ZNF652: variants seen among roughly 807,000 people sequenced by gnomAD.
ZNF652 encodes the protein zinc finger protein 652.
Under a neutral mutation model 45.2 loss-of-function variants are expected in ZNF652, and 16 were observed. The ratio of observed to expected loss-of-function variants is 0.35; its 90% confidence interval spans 0.24 to 0.54. ZNF652 has a LOEUF of 0.54. Among genes scored for constraint, ZNF652 ranks in the 20% least tolerant of loss-of-function variants. The pLI is 0.91. For synonymous variants in ZNF652, 250 were observed against 260.6 expected (o/e 0.96, Z 0.39); for missense variants, 614 against 765.6 (o/e 0.80, Z 2.34).
intron 1 of ZNF652, among the ~76,000 whole-genome samples, chr17:49,336,988 G>A (rs992316338): frequency 7.1e-6 from 1 of 141,096 alleles, no homozygotes; most frequent in Non-Finnish European, 1.5e-5. Context: ...CACAGGTTGA[G>A]TGAAATAAAA....
intron 1 of ZNF652, among the ~76,000 whole-genome samples, chr17:49,361,572 C>T (rs2070394733): frequency 6.6e-6 from 1 of 152,216 alleles, no homozygotes. Context: ...GTGCAAACCT[C>T]CTCTCGGCCC....
intron 1 of ZNF652, among the ~76,000 whole-genome samples, chr17:49,343,994 C>G (rs1169221018): frequency 6.6e-6 from 1 of 151,944 alleles, no homozygotes; most frequent in African/African-American, 2.4e-5. Context: ...GTCAGGAGAT[C>G]GAGACCATCC....
Position 49,293,621 on chromosome 17 carries a change from C to T in ZNF652, c.*4792G>A. 7.6e-6 allele frequency among the ~76,000 whole-genome samples: 1 copy of T among 131,056 alleles called. No homozygotes were observed. 86.0% of individuals were successfully genotyped at this position (131,056 alleles called of 152,430 possible). On this transcript the variant is annotated 3_prime_UTR_variant, in exon 6 of 6. Coordinates refer to ENST00000430262, the MANE Select transcript of ZNF652 (RefSeq NM_001145365.3). ...AGGGTGTTGTTATTGCATAATAATG[C>T]CACTATTTCTAATGGCTTATGACCT... is the stretch of plus-strand genomic sequence containing the variant.
At chr17:49,314,009 A>AAAAAAAAAAG (rs2069760698) in intron 2 of ZNF652, among the ~76,000 whole-genome samples, 1 of 133,284 alleles carries the variant, frequency 7.5e-6, no homozygotes, top group African/African-American at 2.9e-5. Flanking sequence ...AAAAAAAAAA[A>AAAAAAAAAAG]AAAAGAAAAG....
intron 2 of ZNF652, among the ~76,000 whole-genome samples, chr17:49,315,304 G>C (rs549833785): frequency 6.6e-6 from 1 of 152,018 alleles, no homozygotes; most frequent in African/African-American, 2.4e-5. Context: ...GCCTCCCAAA[G>C]TGCTAGGATT....
chr17:49,339,839 T>G (rs2070125814), intron 1 of ZNF652, among the ~76,000 whole-genome samples: 1 of 152,190 alleles, frequency 6.6e-6, no homozygotes. Flanking sequence ...AGCCAAGAGA[T>G]TCTTCTGCCT....
At chr17:49,355,250 C>G (rs7208485) in intron 1 of ZNF652, among the ~76,000 whole-genome samples, 117,666 of 152,032 alleles carry the variant, frequency 0.77, 45,664 homozygotes, top group African/African-American at 0.82. Flanking sequence ...AATTAATTCA[C>G]GAGGGATTGT....
chr17:49,360,500 C>G (rs1209076268), intron 1 of ZNF652, among the ~76,000 whole-genome samples: 1 of 152,138 alleles, frequency 6.6e-6, no homozygotes, highest in African/African-American at 2.4e-5. Flanking sequence ...CAAAATTATA[C>G]TAAAGGTATT....
chr17:49,322,356 G>A (rs951665570), intron 1 of ZNF652: 6 of 152,164 alleles, frequency 3.9e-5, no homozygotes, highest in African/African-American at 1.4e-4. Context: ...AAGACCTCAA[G>A]AAAAAAGCTA....
chr17:49,294,665 A>G lies in ZNF652; in HGVS notation c.*3748T>C, dbSNP rs994897508. 6.6e-6 allele frequency: 1 copy of G among 152,142 alleles called. No individual in the cohort carries two copies. The highest frequency in any genetic ancestry group is 1.5e-5 in the Non-Finnish European group (1 of 68,008). The allele number at this position is 152,142 out of a possible 1,614,324, so 9.4% of individuals were successfully genotyped here. A position where few individuals can be genotyped will look rare whatever the true frequency, so the allele number is the denominator to read the frequency against. On this transcript the variant is annotated 3_prime_UTR_variant, in exon 6 of 6. Coordinates refer to ENST00000430262, the MANE Select transcript of ZNF652 (RefSeq NM_001145365.3). ...AAAAATAAAAACGAAACAAATACAA[A>G]CCAACCCACACACACAAAAAATACA... is the stretch of plus-strand genomic sequence containing the variant.
chr17:49,317,137 A>G lies in ZNF652; in HGVS notation c.589T>C (p.Ser197Pro), dbSNP rs1488650716. The G allele has an allele frequency of 1.2e-6, 2 of 1,614,006 alleles. No individual in the cohort carries two copies. Among genetic ancestry groups the G allele is most frequent in the South Asian group, 1.1e-5 (1 of 91,082 alleles). ...GGGGAAGTGGTAGCTGCGGCAACAG[A>G]GGCAGCTCTCCTGGTTCTCCTTTGT... ...VTQRRTRRAASVAAATTSPTP... is the reference protein window; with the variant it reads ...VTQRRTRRAAPVAAATTSPTP... The change falls in exon 2 of 6, where the codon TCT becomes CCT. Residue 197 changes from serine (S) to proline (P), a missense_variant. By Grantham distance (74) the Ser-to-Pro change is moderately conservative. Transcript: ENST00000430262.
Position 49,298,738 on chromosome 17 carries a change from T to A in ZNF652, c.1496A>T (p.Asn499Ile). The part of the protein sequence containing the change: ...EKCFRVTSPV[N>I]VPPAVQIPLT... Reference sequence around the variant, plus strand: ...TGGGATCTGGACAGCAGGTGGCACATTCACGGGGCTGGTCACCCGAAAGCA... The same window carrying A: ...TGGGATCTGGACAGCAGGTGGCACAATCACGGGGCTGGTCACCCGAAAGCA... Residue 499 changes from asparagine (N) to isoleucine (I), a missense_variant, in exon 6 of 6, where the codon AAT becomes ATT. Physicochemically the swap from Asn to Ile is moderately radical, Grantham distance 149 (BLOSUM62 -3). Around this residue, in one of 5 missense-constraint regions of ZNF652, gnomAD observed 132 missense variants for 137.2 expected, o/e 0.96. Transcript: ENST00000430262. 1 of 1,614,068 alleles carries A rather than the reference T, an allele frequency of 6.2e-7. No individual in the cohort carries two copies. The highest frequency in any genetic ancestry group is 8.5e-7 in the Non-Finnish European group (1 of 1,180,004).
At position 49,297,461 on chromosome 17, in the gene ZNF652, T is replaced by C. The variant is rs968683924; in HGVS notation, c.*952A>G. Reference sequence around the variant, plus strand: ...CCCATCCCCTGCAAATCATTTCATGTAATGCACTAACGAAGCCAAGCAGAA... The same window carrying C: ...CCCATCCCCTGCAAATCATTTCATGCAATGCACTAACGAAGCCAAGCAGAA... On this transcript the variant is annotated 3_prime_UTR_variant, in exon 6 of 6. Transcript: ENST00000430262. 1.3e-5 allele frequency: 2 copies of C among 152,458 alleles called. No individual in the cohort carries two copies. The highest frequency in any genetic ancestry group is 2.9e-5 in the Non-Finnish European group (2 of 68,040). 9.4% of individuals were successfully genotyped at this position (152,458 alleles called of 1,614,324 possible).
intron 2 of ZNF652, among the ~76,000 whole-genome samples, chr17:49,314,795 G>C (rs565411651): frequency 1.9e-4 from 29 of 152,276 alleles, no homozygotes; most frequent in African/African-American, 5.8e-4. Flanking sequence ...ACTCTGAGAA[G>C]AGTTAAAAGA....
chr17:49,328,472 G>A (rs1241971040), intron 1 of ZNF652, among the ~76,000 whole-genome samples: 1 of 152,152 alleles, frequency 6.6e-6, no homozygotes, highest in Non-Finnish European at 1.5e-5. Flanking sequence ...CAATGTTGGA[G>A]GTGAGGCCTG....
rs1251459763 is a variant in ZNF652 at position 49,292,496 on chromosome 17, C to T, written c.*5917G>A. 6.6e-6 allele frequency among the ~76,000 whole-genome samples: 1 copy of T among 151,798 alleles called. No individual in the cohort carries two copies. The highest frequency in any genetic ancestry group is 2.4e-5 in the African/African-American group (1 of 41,318). On this transcript the variant is annotated 3_prime_UTR_variant, in exon 6 of 6. Coordinates refer to ENST00000430262, the MANE Select transcript of ZNF652 (RefSeq NM_001145365.3). ...GACAGGGCCATGAGAGAGCAGAAAC[C>T]CAGGGAGCAATTTTAAATTAATTTG...
intron 2 of ZNF652, among the ~76,000 whole-genome samples, chr17:49,313,687 T>C (rs932804608): frequency 6.6e-6 from 1 of 151,850 alleles, no homozygotes; most frequent in Non-Finnish European, 1.5e-5. Flanking sequence ...GAAAATGCAT[T>C]TGGAGCCAGG....
At chr17:49,322,128 T>C (rs2069900594) in intron 1 of ZNF652, among the ~76,000 whole-genome samples, 2 of 152,210 alleles carry the variant, frequency 1.3e-5, no homozygotes, top group Admixed American at 6.5e-5. Flanking sequence ...TGGTACTCAA[T>C]AAAATAGCTT....
rs757964268 is a variant in ZNF652 at position 49,339,399 on chromosome 17, C to CAACAT, written c.-258-21421_-258-21417dup. 8.9e-4 allele frequency among the ~76,000 whole-genome samples: 131 copies of CAACAT among 147,696 alleles called. 1 individual carries two copies. The highest frequency in any genetic ancestry group is 1.7e-3 in the Admixed American group (24 of 14,540). The stretch of plus-strand genomic sequence containing the variant: ...CCTATTTAAAAGTAATAACAAAAAG[C>CAACAT]AACATAATCCAAAATTACATGTTTT... On this transcript the variant is annotated intron_variant, in intron 1 of 5. Transcript: ENST00000430262.
Sources: gnomAD v4.1 joint callset for allele counts (sites outside exome capture counted in the v4.1 genomes callset) on GRCh38, gnomAD v4.1.1 for gene constraint, gnomAD v4.1.1 regional missense constraint, MANE v1.5 for transcripts, NCBI Gene and HGNC (gene_info 2026-07-23, HGNC 2026-07-21) for gene names.